The following KIFAP3 variants were observed in gnomAD, a reference collection of about 807,000 sequenced individuals.
KIFAP3 encodes kinesin associated protein 3, also known as kinesin-associated protein 3.
In KIFAP3, 68 loss-of-function variants were observed where a neutral mutation model predicts 106.5. That is an observed-to-expected ratio of 0.64 (90% CI 0.53 to 0.78). The LOEUF is 0.78. KIFAP3 is among the 30% of genes least tolerant of loss of function. The pLI is 0.00. For synonymous variants in KIFAP3, 320 were observed against 311.5 expected (o/e 1.03, Z -0.29); for missense variants, 780 against 941.8 (o/e 0.83, Z 2.25).
At chr1:170,009,990 T>G (rs1055334154) in intron 10 of KIFAP3, among the ~76,000 whole-genome samples, 1 of 152,128 alleles carries the variant, frequency 6.6e-6, no homozygotes, top group Non-Finnish European at 1.5e-5. Context: ...TAATCACATT[T>G]GCTGAAGCCA....
intron 19 of KIFAP3, among the ~76,000 whole-genome samples, chr1:169,922,282 C>A (rs1361536890): frequency 1.3e-5 from 2 of 152,102 alleles, no homozygotes; most frequent in Non-Finnish European, 2.9e-5. Flanking sequence ...CCAAATCATA[C>A]CATAAGCCTA....
At chr1:169,961,401 T>G (rs943541224) in intron 17 of KIFAP3, among the ~76,000 whole-genome samples, 166 bp from the exon 18 acceptor site, 2 of 152,118 alleles carry the variant, frequency 1.3e-5, no homozygotes, top group Non-Finnish European at 1.5e-5. Context: ...CAAAAAGCAA[T>G]TACATACATA....
intron 10 of KIFAP3, among the ~76,000 whole-genome samples, chr1:170,005,852 TACA>T (rs1169353213): frequency 1.3e-5 from 2 of 149,510 alleles, no homozygotes; most frequent in Non-Finnish European, 3.0e-5. Context: ...AAACTTAAAG[TACA>T]ATAATAATAA....
chr1:170,021,949 T>C (rs1164215365), intron 9 of KIFAP3, among the ~76,000 whole-genome samples: 10 of 127,782 alleles, frequency 7.8e-5, no homozygotes, highest in Admixed American at 6.0e-4. Context: ...TTCTTTTTTT[T>C]TTTTTTTTTT....
intron 18 of KIFAP3, among the ~76,000 whole-genome samples, chr1:169,955,718 A>G (rs1303453463): frequency 2.0e-5 from 3 of 152,178 alleles, no homozygotes; most frequent in Non-Finnish European, 4.4e-5. Context: ...CAAATTGTTA[A>G]TGGACACCTT....
chr1:169,929,158 A>G (rs1021539718), intron 19 of KIFAP3, among the ~76,000 whole-genome samples: 2 of 152,210 alleles, frequency 1.3e-5, no homozygotes, highest in African/African-American at 4.8e-5. Flanking sequence ...CAAAGCAAGG[A>G]TTATTAAATT....
intron 10 of KIFAP3, among the ~76,000 whole-genome samples, chr1:169,997,317 A>G (rs1219246686): frequency 6.6e-6 from 1 of 152,200 alleles, no homozygotes; most frequent in Non-Finnish European, 1.5e-5. Flanking sequence ...CATACAATAA[A>G]TCAATTCAAT....
chr1:170,062,963 A>G (rs2102150877), intron 1 of KIFAP3, among the ~76,000 whole-genome samples: 1 of 152,194 alleles, frequency 6.6e-6, no homozygotes, highest in East Asian at 1.9e-4. Context: ...TATAACAGTG[A>G]GAGAAATCTA....
intron 17 of KIFAP3, among the ~76,000 whole-genome samples, chr1:169,965,045 G>A (rs566079353): frequency 1.6e-3 from 245 of 152,212 alleles, no homozygotes; most frequent in South Asian, 4.1e-3. Context: ...AAAGCAAAAT[G>A]ATAATGTGGA....
At chr1:169,998,357 C>A (rs1337440179) in intron 10 of KIFAP3, among the ~76,000 whole-genome samples, 1 of 145,736 alleles carries the variant, frequency 6.9e-6, no homozygotes, top group Non-Finnish European at 1.5e-5. Context: ...CAAAAGAAAT[C>A]GGACTACAAC....
At chr1:169,940,632 C>T (rs1424689330) in intron 19 of KIFAP3, among the ~76,000 whole-genome samples, 1 of 152,194 alleles carries the variant, frequency 6.6e-6, no homozygotes, top group Non-Finnish European at 1.5e-5. Flanking sequence ...GCTCATGCAA[C>T]AGGAGGTGGA....
intron 1 of KIFAP3, among the ~76,000 whole-genome samples, chr1:170,081,179 G>C (rs1672014678): frequency 6.6e-6 from 1 of 152,092 alleles, no homozygotes. Context: ...ATGATATAAA[G>C]AGAACTATTA....
chr1:169,954,323 G>A (rs1664892589), intron 18 of KIFAP3, among the ~76,000 whole-genome samples: 1 of 152,134 alleles, frequency 6.6e-6, no homozygotes, highest in Non-Finnish European at 1.5e-5. Context: ...CATTCATTGA[G>A]CATCTACTAT....
At chr1:170,020,814 G>C (rs1242951861) in intron 9 of KIFAP3, among the ~76,000 whole-genome samples, 1 of 152,024 alleles carries the variant, frequency 6.6e-6, no homozygotes. Context: ...CATAAATCTT[G>C]GTCCATATCT....
intron 19 of KIFAP3, among the ~76,000 whole-genome samples, chr1:169,946,210 A>T (rs889616577): frequency 1.3e-4 from 20 of 151,622 alleles, no homozygotes; most frequent in Admixed American, 1.1e-3. Context: ...TTTCATTCCC[A>T]TTTTTTATAC....
At chr1:169,980,987 G>A (rs1003032391) in intron 15 of KIFAP3, among the ~76,000 whole-genome samples, 3 of 152,146 alleles carry the variant, frequency 2.0e-5, no homozygotes, top group Non-Finnish European at 1.5e-5. Context: ...TGTAATCCCA[G>A]CTACTCAGGA....
chr1:170,058,941 G>GGCA (rs1670991196), intron 1 of KIFAP3, among the ~76,000 whole-genome samples: 1 of 151,646 alleles, frequency 6.6e-6, no homozygotes, highest in Non-Finnish European at 1.5e-5. Context: ...ACAAAATGAA[G>GGCA]GCAGAAATAA....
chr1:169,987,162 G>A (rs1167950973), intron 11 of KIFAP3, among the ~76,000 whole-genome samples: 2 of 152,000 alleles, frequency 1.3e-5, no homozygotes, highest in Admixed American at 6.6e-5. Flanking sequence ...TTGCTATGAT[G>A]GCACTTCAAA....
chr1:170,042,877 T>G (rs371941098), intron 3 of KIFAP3, among the ~76,000 whole-genome samples: 15 of 152,194 alleles, frequency 9.9e-5, no homozygotes, highest in African/African-American at 3.1e-4. Flanking sequence ...CATCTGAGCT[T>G]TCTCTAGCCT....
Sources: allele counts gnomAD v4.1 joint callset (sites outside exome capture counted in the v4.1 genomes callset), GRCh38; gene constraint gnomAD v4.1.1; transcripts MANE v1.5; gene names NCBI Gene and HGNC (gene_info 2026-07-23, HGNC 2026-07-21).